EPS15: variants seen among roughly 807,000 people sequenced by gnomAD.
EPS15 encodes the protein epidermal growth factor receptor pathway substrate 15.
Under a neutral mutation model 113.8 loss-of-function variants are expected in EPS15, and 72 were observed. That is an observed-to-expected ratio of 0.63 (90% CI 0.52 to 0.77). The LOEUF is 0.77. EPS15 is among the 30% of genes least tolerant of loss of function. The probability of loss-of-function intolerance (pLI) is 0.00; values close to 1 mark genes in which losing one functional copy is unlikely to be tolerated. For synonymous variants in EPS15, 344 were observed against 363.4 expected, an observed-to-expected ratio of 0.95 and a Z score of 0.61; for missense variants, 1,048 against 1,045.8, an observed-to-expected ratio of 1.00 and a Z score of -0.03.
intron 11 of EPS15, among the ~76,000 whole-genome samples, chr1:51,440,904 T>C (rs556626989): frequency 1.3e-5 from 2 of 152,250 alleles, no homozygotes; most frequent in South Asian, 4.1e-4. Context: ...ATTCAAGGAA[T>C]TTTTACTTTT....
At chr1:51,426,698 T>C (rs964940437) in intron 12 of EPS15, among the ~76,000 whole-genome samples, 9 of 151,922 alleles carry the variant, frequency 5.9e-5, no homozygotes, top group Admixed American at 1.3e-4. Flanking sequence ...CTATCTCAGA[T>C]TGCCTTTAAA....
rs143618669 is a variant in EPS15, at chr1:51,510,437, C to T, written c.33+8762G>A. On this transcript the variant is annotated intron_variant, in intron 1 of 24. Transcript: ENST00000371733. ...AGATTAATGCCTACTTGTAGAAAGG[C>T]TATGAAGATTAAGTGAAATAATGTA... Among the ~76,000 whole-genome samples, 740 of 152,276 alleles carry T rather than the reference C, an allele frequency of 4.9e-3. 2 individuals are homozygous for T. Among genetic ancestry groups the T allele is most frequent in the Middle Eastern group, 0.024 (7 of 294 alleles).
intron 12 of EPS15, chr1:51,423,514 T>C: frequency 1.0e-6 from 1 of 985,334 alleles, no homozygotes; most frequent in African/African-American, 1.7e-5. Flanking sequence ...CACATGAAAA[T>C]CTAGCACCCT....
chr1:51,422,015 A>G, intron 12 of EPS15, 157 bp from the exon 13 acceptor site: 1 of 1,308,780 alleles, frequency 7.6e-7, no homozygotes, highest in Non-Finnish European at 9.8e-7. Flanking sequence ...TCAATTATTT[A>G]TGAAATAAAA....
At chr1:51,406,570 G>A (rs1364285565) in intron 15 of EPS15, among the ~76,000 whole-genome samples, 2 of 152,170 alleles carry the variant, frequency 1.3e-5, no homozygotes, top group East Asian at 3.8e-4. Flanking sequence ...GTGACTTAGA[G>A]AAAAGATTCA....
chr1:51,506,544 G>C (rs1644501710), intron 1 of EPS15, among the ~76,000 whole-genome samples: 1 of 151,982 alleles, frequency 6.6e-6, no homozygotes, highest in Non-Finnish European at 1.5e-5. Flanking sequence ...AATAAGTCTT[G>C]TCCACTTTAA....
chr1:51,394,743 C>G (rs188508624), intron 20 of EPS15, among the ~76,000 whole-genome samples: 1 of 152,270 alleles, frequency 6.6e-6, no homozygotes, highest in East Asian at 1.9e-4. Context: ...CAGGAAACTG[C>G]CAATACCTCA....
intron 1 of EPS15, among the ~76,000 whole-genome samples, chr1:51,503,846 C>T (rs1306757536): frequency 2.0e-5 from 3 of 152,072 alleles, no homozygotes; most frequent in African/African-American, 7.2e-5. Context: ...GAAAGAATAG[C>T]CTTTTCAACA....
chr1:51,431,021 C>A (rs1056502569), intron 12 of EPS15, among the ~76,000 whole-genome samples: 1 of 129,470 alleles, frequency 7.7e-6, no homozygotes, highest in African/African-American at 3.1e-5. Flanking sequence ...CACACACACA[C>A]ACACACAAAA....
chr1:51,428,071 C>A, intron 12 of EPS15, among the ~76,000 whole-genome samples: 1 of 151,016 alleles, frequency 6.6e-6, no homozygotes, highest in Non-Finnish European at 1.5e-5. Flanking sequence ...GGTCAGAAGG[C>A]AATGAAATGA....
At chr1:51,451,788 A>C (rs999157332) in intron 8 of EPS15, among the ~76,000 whole-genome samples, 2 of 152,192 alleles carry the variant, frequency 1.3e-5, no homozygotes, top group Non-Finnish European at 2.9e-5. Flanking sequence ...CAGAGCATGA[A>C]AGTTTTCCAT....
chr1:51,492,183 C>T (rs1009304056), intron 1 of EPS15, among the ~76,000 whole-genome samples: 5 of 152,020 alleles, frequency 3.3e-5, no homozygotes, highest in Admixed American at 3.3e-4. Flanking sequence ...AAACTGGATG[C>T]TTTCTAGGTA....
At chr1:51,465,359 A>T (rs1202536706) in intron 5 of EPS15, 33 bp from the exon 6 acceptor site, 3 of 1,435,194 alleles carry the variant, frequency 2.1e-6, no homozygotes, top group Non-Finnish European at 1.9e-6. Flanking sequence ...ACAAGAGTTG[A>T]AATTCTCACA....
intron 1 of EPS15, 82 bp downstream of exon 1, chr1:51,519,117 A>G: frequency 3.0e-6 from 3 of 993,040 alleles, no homozygotes; most frequent in Non-Finnish European, 4.3e-6. Context: ...TTGGCCCACA[A>G]GCCAAGAAGT....
intron 4 of EPS15, among the ~76,000 whole-genome samples, chr1:51,470,672 C>G (rs965251410): frequency 1.4e-5 from 2 of 139,078 alleles, no homozygotes; most frequent in African/African-American, 5.3e-5. Context: ...AAAAAAAAAT[C>G]TATGCTTCCA....
At chr1:51,458,702 A>C in intron 8 of EPS15, 1 of 276,974 alleles carries the variant, frequency 3.6e-6, no homozygotes, top group Non-Finnish European at 7.4e-6. Context: ...CCGCCACTGC[A>C]CTCCAGCCTG....
At chr1:51,388,551 C>A (rs573845921) in intron 21 of EPS15, among the ~76,000 whole-genome samples, 1 of 151,774 alleles carries the variant, frequency 6.6e-6, no homozygotes, top group South Asian at 2.1e-4. Flanking sequence ...AAAGGATCAA[C>A]GAAATTGATA....
chr1:51,467,231 G>A (rs1284382078), intron 5 of EPS15, among the ~76,000 whole-genome samples: 5 of 152,210 alleles, frequency 3.3e-5, no homozygotes, highest in Non-Finnish European at 5.9e-5. Context: ...TGGAGGGAGG[G>A]TGAACTAGTA....
At chr1:51,475,126 G>C (rs1337297276) in intron 2 of EPS15, among the ~76,000 whole-genome samples, 3 of 152,086 alleles carry the variant, frequency 2.0e-5, no homozygotes, top group Non-Finnish European at 2.9e-5. Flanking sequence ...ACTGTGAATA[G>C]TGCCGCAATA....
Sources: allele counts gnomAD v4.1 joint callset (sites outside exome capture counted in the v4.1 genomes callset), GRCh38; gene constraint gnomAD v4.1.1; transcripts MANE v1.5; gene names NCBI Gene and HGNC (gene_info 2026-07-23, HGNC 2026-07-21).